SLC4A5: variants seen among roughly 807,000 people sequenced by gnomAD.
SLC4A5 encodes electrogenic sodium bicarbonate cotransporter 4.
In SLC4A5, 96 loss-of-function variants were observed where a neutral mutation model predicts 120.4. The ratio of observed to expected loss-of-function variants is 0.80; its 90% confidence interval spans 0.68 to 0.94. The LOEUF is 0.94. Among genes scored for constraint, SLC4A5 ranks in the 40% least tolerant of loss-of-function variants. The pLI is 0.00. For synonymous variants in SLC4A5, 550 were observed against 571.1 expected, an observed-to-expected ratio of 0.96 and a Z score of 0.53; for missense variants, 1,259 against 1,459.5, an observed-to-expected ratio of 0.86 and a Z score of 2.24.
intron 8 of SLC4A5, among the ~76,000 whole-genome samples, chr2:74,270,664 C>A (rs1455349567): frequency 6.6e-6 from 1 of 152,194 alleles, no homozygotes; most frequent in African/African-American, 2.4e-5. Context: ...CAGAGCGAGA[C>A]TCCGTCTCAA....
intron 7 of SLC4A5, among the ~76,000 whole-genome samples, chr2:74,290,049 C>T (rs904009600): frequency 7.5e-5 from 11 of 146,850 alleles, no homozygotes; most frequent in African/African-American, 2.3e-4. Context: ...CCAGCCACCC[C>T]GACCCCAGCC....
Position 74,284,475 on chromosome 2 carries a change from C to T in SLC4A5, c.401+1298G>A, listed in dbSNP as rs561009733. Reference sequence around the variant, plus strand: ...GATTACAGGCGTGAGCCACCGCGCCCGGCCTATTCCTTATTTCTAATGAAA... The same window carrying T: ...GATTACAGGCGTGAGCCACCGCGCCTGGCCTATTCCTTATTTCTAATGAAA... On this transcript the variant is annotated intron_variant, in intron 8 of 30. Transcript: ENST00000394019. Among the ~76,000 whole-genome samples the T allele has an allele frequency of 7.5e-4, 55 of 73,018 alleles. 13 individuals are homozygous for T. The East Asian group carries it at 0.015, about 19-fold the overall frequency. The allele number at this position is 73,018 out of a possible 152,430, so 47.9% of individuals were successfully genotyped here.
In SLC4A5 at chr2:74,255,813, G is replaced by A. The variant is rs1156265300; in HGVS notation, c.987C>T (p.Ala329=). The change falls in exon 13 of 31, where the codon GCC becomes GCT. Residue 329 remains alanine (A), a synonymous_variant. Transcript: ENST00000394019. This position sits in a 1 kb window ranked among gnomAD's most constrained non-coding sequence, Gnocchi z 4.0. ...GCACCTCGGTCACTCCTCCCAGCAT[G>A]GCCGACTGGATGAGGCGCACGAACG... The A allele has an allele frequency of 1.2e-6, 2 of 1,614,060 alleles. No homozygotes were observed. Among genetic ancestry groups the A allele is most frequent in the East Asian group, 2.2e-5 (1 of 44,886 alleles).
chr2:74,244,010 T>C (rs1443274112), intron 19 of SLC4A5, among the ~76,000 whole-genome samples: 1 of 152,208 alleles, frequency 6.6e-6, no homozygotes, highest in Non-Finnish European at 1.5e-5. Context: ...GAGAGTATAC[T>C]ATAGTAAGAC....
chr2:74,227,652 G>A, intron 26 of SLC4A5, 158 bp downstream of exon 26: 1 of 1,192,590 alleles, frequency 8.4e-7, no homozygotes, highest in Non-Finnish European at 1.2e-6. Context: ...TTGCCTGATA[G>A]CATCAGTAAG....
At chr2:74,268,528 C>T (rs1383519989) in intron 8 of SLC4A5, among the ~76,000 whole-genome samples, 1 of 152,242 alleles carries the variant, frequency 6.6e-6, no homozygotes, top group African/African-American at 2.4e-5. Flanking sequence ...GGTAGACATT[C>T]AGATTATTTC....
At chr2:74,259,392 T>C (rs1017217975) in intron 12 of SLC4A5, among the ~76,000 whole-genome samples, 196 bp downstream of exon 12, 1 of 152,176 alleles carries the variant, frequency 6.6e-6, no homozygotes, top group Non-Finnish European at 1.5e-5. Flanking sequence ...AGCCAGCACC[T>C]GGGACTCCGT....
At chr2:74,217,422 A>C (rs1467881286) in exon 31 of SLC4A5, 3 of 152,210 alleles carry the variant, frequency 2.0e-5, no homozygotes, top group African/African-American at 7.2e-5. Context: ...AATAGTTTTC[A>C]ATCATTCCTT....
intron 7 of SLC4A5, chr2:74,290,622 TGA>T (rs151284937): frequency 0.2 from 156,739 of 771,002 alleles, 14 homozygotes; most frequent in Non-Finnish European, 0.22. Context: ...GACAGAGAAG[TGA>T]GAGAGAGAGA....
chr2:74,259,485 T>G, intron 12 of SLC4A5, 103 bp downstream of exon 12: 2 of 1,289,658 alleles, frequency 1.6e-6, no homozygotes, highest in Non-Finnish European at 2.3e-6. Context: ...TCCCACTCCT[T>G]TGTAGGAGTG....
rs1670928537 is a variant in SLC4A5 at position 74,255,344 on chromosome 2, G to A, written c.1025+431C>T. Among the ~76,000 whole-genome samples the A allele has an allele frequency of 1.3e-5, 2 of 152,060 alleles. No individual in the cohort carries two copies. Among genetic ancestry groups the A allele is most frequent in the Admixed American group, 1.3e-4 (2 of 15,280 alleles). Reference sequence around the variant, plus strand: ...GTCTTGCTCTGTTGCCCAGGCTGGGGTGCAATAGCATGATCTCGGCTCACT... The same window carrying A: ...GTCTTGCTCTGTTGCCCAGGCTGGGATGCAATAGCATGATCTCGGCTCACT... On this transcript the variant is annotated intron_variant, in intron 13 of 30. Transcript: ENST00000394019. The surrounding 1 kb of genome is among the most constrained non-coding windows in gnomAD (Gnocchi z 4.0).
At chr2:74,329,098 G>A (rs1303039645) in intron 4 of SLC4A5, among the ~76,000 whole-genome samples, 2 of 152,152 alleles carry the variant, frequency 1.3e-5, no homozygotes, top group African/African-American at 2.4e-5. Context: ...CAAAAGGAGA[G>A]GTGGTAGGAA....
At chr2:74,279,297 G>C (rs1260899389) in intron 8 of SLC4A5, among the ~76,000 whole-genome samples, 1 of 152,154 alleles carries the variant, frequency 6.6e-6, no homozygotes, top group Non-Finnish European at 1.5e-5. Context: ...CCCCTCCTCA[G>C]ACTGCGGGAG....
At chr2:74,225,102 G>A (rs1694797096) in intron 27 of SLC4A5, 107 bp from the exon 28 acceptor site, 2 of 1,101,742 alleles carry the variant, frequency 1.8e-6, no homozygotes, top group Non-Finnish European at 1.3e-6. Context: ...CTGAGTTCAG[G>A]GACTTTTTGT....
At chr2:74,219,182 T>G (rs916665501) in intron 30 of SLC4A5, among the ~76,000 whole-genome samples, 2 of 88,946 alleles carry the variant, frequency 2.2e-5, no homozygotes, top group Admixed American at 2.1e-4. Context: ...TGGAGGTGTG[T>G]GTGTGTGTGT....
At chr2:74,282,911 C>T (rs561065268) in intron 8 of SLC4A5, among the ~76,000 whole-genome samples, 6 of 152,334 alleles carry the variant, frequency 3.9e-5, no homozygotes, top group African/African-American at 1.2e-4. Context: ...GAGAGGCCCT[C>T]GTTCAGGGCG....
In SLC4A5 at chr2:74,265,038, G is replaced by A. The variant is rs528621301; in HGVS notation, c.562+66C>T. ...CACACAGACTTGAGGGCAGGCATGA[G>A]GTCAGGGGAGCTGCCCTGGTTTGCA... On this transcript the variant is annotated intron_variant, in intron 9 of 30. Transcript: ENST00000394019. 10 of 1,541,098 alleles carry A rather than the reference G, an allele frequency of 6.5e-6. No homozygotes were observed. The South Asian group carries it at 1.1e-4, about 17-fold the overall frequency.
At chr2:74,262,913 C>A (rs72921362) in intron 10 of SLC4A5, among the ~76,000 whole-genome samples, 1 of 152,150 alleles carries the variant, frequency 6.6e-6, no homozygotes, top group Non-Finnish European at 1.5e-5. Context: ...CGTACCTACA[C>A]GCCACAGCAT....
rs778094252 is a variant in SLC4A5, at chr2:74,250,526, G to A, written c.1479-9C>T. 7.4e-6 allele frequency: 12 copies of A among 1,613,996 alleles called. No individual in the cohort carries two copies. Among genetic ancestry groups the A allele is most frequent in the Non-Finnish European group, 1.0e-5 (12 of 1,180,008 alleles). ...ACAGGCCACCGAAGAACCTGCTCAAGACAGGCCCAGGGGCTGCTTTCTCAC... is the reference window on the plus strand; with the variant it reads ...ACAGGCCACCGAAGAACCTGCTCAAAACAGGCCCAGGGGCTGCTTTCTCAC... On this transcript the variant is annotated splice_polypyrimidine_tract_variant and intron_variant, in intron 16 of 30. Transcript: ENST00000394019.
Sources: allele counts gnomAD v4.1 joint callset (sites outside exome capture counted in the v4.1 genomes callset), GRCh38; gene constraint gnomAD v4.1.1; non-coding constraint Gnocchi (gnomAD v3.1); transcripts MANE v1.5; gene names NCBI Gene and HGNC (gene_info 2026-07-23, HGNC 2026-07-21).